The following DENND4A variants were observed in gnomAD, a reference collection of about 807,000 sequenced individuals.
DENND4A encodes DENN domain containing 4A.
Under a neutral mutation model 199.3 loss-of-function variants are expected in DENND4A, and 70 were observed. That is an observed-to-expected ratio of 0.35 (90% CI 0.29 to 0.43). DENND4A has a LOEUF of 0.43. DENND4A is among the 20% of genes least tolerant of loss of function. The pLI is 1.00. For synonymous variants in DENND4A, 686 were observed against 766.9 expected (o/e 0.89, Z 1.74); for missense variants, 1,723 against 2,255.8 (o/e 0.76, Z 4.78).
intron 8 of DENND4A, among the ~76,000 whole-genome samples, chr15:65,732,150 T>A (rs1189062573): frequency 4.6e-5 from 7 of 152,068 alleles, no homozygotes; most frequent in Admixed American, 4.6e-4. Context: ...GTGACAGAGA[T>A]CAGATGACAA....
chr15:65,661,194 C>A lies in DENND4A; in HGVS notation c.*657G>T, dbSNP rs906608487. ...GGGGTACTAACATGCAATCCTAGGA[C>A]AACACTTGACACTAGCACTGACATT... is the stretch of plus-strand genomic sequence containing the variant. On this transcript the variant is annotated 3_prime_UTR_variant, in exon 33 of 33. Coordinates refer to ENST00000443035, the MANE Select transcript of DENND4A (RefSeq NM_001320835.1). 6.6e-6 allele frequency: 1 copy of A among 152,038 alleles called. No homozygotes were observed. Among genetic ancestry groups the A allele is most frequent in the Non-Finnish European group, 1.5e-5 (1 of 68,030 alleles). 9.4% of individuals were successfully genotyped at this position (152,038 alleles called of 1,614,324 possible). A position where few individuals can be genotyped will look rare whatever the true frequency, so the allele number is the denominator to read the frequency against.
chr15:65,728,245 C>T (rs1413187699), intron 11 of DENND4A, among the ~76,000 whole-genome samples: 1 of 152,022 alleles, frequency 6.6e-6, no homozygotes, highest in African/African-American at 2.4e-5. Flanking sequence ...TCAAGTGATC[C>T]GTCCACCTTG....
At chr15:65,746,141 CAA>C (rs776975727) in intron 4 of DENND4A, among the ~76,000 whole-genome samples, 15 of 96,066 alleles carry the variant, frequency 1.6e-4, no homozygotes, top group Non-Finnish European at 2.3e-4. Flanking sequence ...AACTCCGTCT[CAA>C]AAAAAAAAAA....
At chr15:65,760,515 T>A (rs1338412535) in intron 2 of DENND4A, among the ~76,000 whole-genome samples, 1 of 150,206 alleles carries the variant, frequency 6.7e-6, no homozygotes, top group East Asian at 2.0e-4. Flanking sequence ...AATAAATAAA[T>A]AAATAAACAA....
chr15:65,661,688 T>A lies in DENND4A; in HGVS notation c.*163A>T. 1.9e-6 allele frequency: 1 copy of A among 522,920 alleles called. No homozygotes were observed. Among genetic ancestry groups the A allele is most frequent in the East Asian group, 3.2e-5 (1 of 31,054 alleles). The allele number at this position is 522,920 out of a possible 1,614,324, so 32.4% of individuals were successfully genotyped here. ...AAGTGGCTTTCTCCCCACTTGTCAC[T>A]ATTCTCTTCTTCAAACATTCTGTAC... On this transcript the variant is annotated 3_prime_UTR_variant, in exon 33 of 33. Transcript: ENST00000443035.
At chr15:65,791,461 A>C (rs1484663114) in intron 1 of DENND4A, among the ~76,000 whole-genome samples, 69 of 122,996 alleles carry the variant, frequency 5.6e-4, no homozygotes, top group East Asian at 1.4e-3. Context: ...CCCACCACAC[A>C]CCCCCCCAAA....
At chr15:65,714,057 T>G (rs1255158377) in intron 14 of DENND4A, among the ~76,000 whole-genome samples, 1 of 152,180 alleles carries the variant, frequency 6.6e-6, no homozygotes, top group Non-Finnish European at 1.5e-5. Flanking sequence ...TCCAACACTA[T>G]GGGGTTCATT....
At chr15:65,731,788 T>C in intron 8 of DENND4A, 88 bp from the exon 9 acceptor site, 1 of 928,476 alleles carries the variant, frequency 1.1e-6, no homozygotes, top group East Asian at 2.8e-5. Context: ...AAATAATGAT[T>C]ATGCCCATGA....
intron 1 of DENND4A, among the ~76,000 whole-genome samples, chr15:65,787,528 C>T (rs74021880): frequency 9.2e-4 from 140 of 152,252 alleles, no homozygotes; most frequent in African/African-American, 3.3e-3. Flanking sequence ...GAAAGTGTCA[C>T]ACATTTTAAA....
chr15:65,687,432 C>A (rs1056117040), intron 23 of DENND4A, among the ~76,000 whole-genome samples: 2 of 151,442 alleles, frequency 1.3e-5, no homozygotes, highest in African/African-American at 4.9e-5. Context: ...AAAAAGTAAT[C>A]TTTTCTAATA....
intron 27 of DENND4A, among the ~76,000 whole-genome samples, chr15:65,668,353 C>T (rs550313086): frequency 2.0e-5 from 3 of 151,984 alleles, no homozygotes; most frequent in Non-Finnish European, 4.4e-5. Context: ...GGACTACGGG[C>T]ACACGCCACC....
chr15:65,742,286 T>C (rs2414885), intron 4 of DENND4A, among the ~76,000 whole-genome samples: 85,217 of 151,918 alleles, frequency 0.56, 26,333 homozygotes, highest in African/African-American at 0.82. Context: ...AACTTAACTT[T>C]CAAATCTTTT....
At chr15:65,782,583 G>A (rs993150914) in intron 1 of DENND4A, among the ~76,000 whole-genome samples, 6 of 151,994 alleles carry the variant, frequency 3.9e-5, no homozygotes, top group Admixed American at 1.3e-4. Context: ...ACATCTCTGT[G>A]TCTTAACTTC....
rs1165744148 is a variant in DENND4A at position 65,722,481 on chromosome 15, AAAC to A, written c.1588+364_1588+366del. On this transcript the variant is annotated intron_variant, in intron 12 of 32. Coordinates refer to ENST00000443035, the MANE Select transcript of DENND4A (RefSeq NM_001320835.1). ...GACCGTGTCTCAAAAGAGAAAAAAA[AAAC>A]AATATAAAGGTGGAACCCCACATTT... Among the ~76,000 whole-genome samples the A allele has an allele frequency of 2.6e-5, 4 of 152,292 alleles. No homozygotes were observed. The East Asian group carries it at 7.7e-4, about 29-fold the overall frequency.
chr15:65,706,993 T>C (rs1479241161), intron 14 of DENND4A, among the ~76,000 whole-genome samples: 1 of 152,068 alleles, frequency 6.6e-6, no homozygotes, highest in Non-Finnish European at 1.5e-5. Context: ...AGAAATAATA[T>C]TTTTTAAATC....
rs1566978887 is a variant in DENND4A at position 65,663,217 on chromosome 15, T to TA, written c.5587+1112_5587+1113insT. ...ATATATATTTTTTTTTTTTTATTTT[T>TA]TTTTTTGGTTAGACGGAGTTTCACT... On this transcript the variant is annotated intron_variant, in intron 32 of 32. Transcript: ENST00000443035. Among the ~76,000 whole-genome samples, 14 of 145,178 alleles carry TA rather than the reference T, an allele frequency of 9.6e-5. 1 individual carries two copies. Among genetic ancestry groups the TA allele is most frequent in the African/African-American group, 3.6e-4 (14 of 38,742 alleles).
At chr15:65,790,292 G>A (rs1325702023) in intron 1 of DENND4A, among the ~76,000 whole-genome samples, 2 of 152,218 alleles carry the variant, frequency 1.3e-5, no homozygotes, top group East Asian at 1.9e-4. Flanking sequence ...CTCTTGCACA[G>A]ACAAAAAATT....
intron 1 of DENND4A, chr15:65,772,100 G>C: frequency 1.1e-6 from 1 of 935,910 alleles, no homozygotes; most frequent in Non-Finnish European, 1.7e-6. Context: ...CCTCCTGGAC[G>C]ATGTCGACAC....
chr15:65,660,084 T>G lies in DENND4A; in HGVS notation c.*1767A>C. On this transcript the variant is annotated 3_prime_UTR_variant, in exon 33 of 33. Transcript: ENST00000443035. ...TGAAATGTTTCTCTCAGTTGACAAC[T>G]TTCAAATGATTTAAAGAACATGAAG... 2.0e-6 allele frequency: 1 copy of G among 496,394 alleles called. No homozygotes were observed. Among genetic ancestry groups the G allele is most frequent in the South Asian group, 3.2e-5 (1 of 31,348 alleles). 30.7% of individuals were successfully genotyped at this position (496,394 alleles called of 1,614,324 possible). A position where few individuals can be genotyped will look rare whatever the true frequency, so the allele number is the denominator to read the frequency against.
Sources: allele counts gnomAD v4.1 joint callset (sites outside exome capture counted in the v4.1 genomes callset), GRCh38; gene constraint gnomAD v4.1.1; transcripts MANE v1.5; gene names NCBI Gene and HGNC (gene_info 2026-07-23, HGNC 2026-07-21).